Variants in SSUH2 observed in about 807,000 individuals in gnomAD.
SSUH2 encodes the protein protein SSUH2 homolog.
A neutral mutation model predicts 55.3 loss-of-function variants in SSUH2; 47 were observed. The ratio of observed to expected loss-of-function variants is 0.85; its 90% CI spans 0.67 to 1.08. SSUH2 has a LOEUF of 1.08. SSUH2 is among the 50% of genes least tolerant of loss of function. SSUH2 has a pLI of 0.00. For missense variants in SSUH2, 535 were observed against 490.7 expected (o/e 1.09, Z -0.85); for synonymous variants, 212 against 191.5 (o/e 1.11, Z -0.89).
intron 2 of SSUH2, among the ~76,000 whole-genome samples, chr3:8,679,216 G>A (rs1204647947): frequency 4.7e-5 from 1 of 21,332 alleles, no homozygotes; most frequent in South Asian, 2.6e-3. Context: ...CAGGGGGGAT[G>A]GCACCCTCCG....
At chr3:8,633,438 G>A (rs1464573343) in intron 4 of SSUH2, among the ~76,000 whole-genome samples, 6 of 152,136 alleles carry the variant, frequency 3.9e-5, no homozygotes. Context: ...GGGATTACAG[G>A]CATGAGCCGC....
intron 5 of SSUH2, among the ~76,000 whole-genome samples, chr3:8,670,280 A>G (rs990828329): frequency 3.3e-5 from 5 of 152,098 alleles, no homozygotes; most frequent in Non-Finnish European, 7.4e-5. Flanking sequence ...GACCTTACAG[A>G]TCACGTCACA....
In SSUH2 at chr3:8,623,561, G is replaced by A. The variant is rs1048623496; in HGVS notation, c.969C>T (p.Arg323=). The A allele has an allele frequency of 9.7e-6, 15 of 1,548,508 alleles. No individual in the cohort carries two copies. Among genetic ancestry groups the A allele is most frequent in the African/African-American group, 1.4e-5 (1 of 72,998 alleles). The part of the protein sequence containing the change: ...EHSAALASRA[R]VLQQRQTIEL... Reference sequence around the variant, plus strand: ...CGCCCTGGCTCACCTGCTGCAGGACGCGGGCACGGGAGGCCAAGGCAGCGC... The same window carrying A: ...CGCCCTGGCTCACCTGCTGCAGGACACGGGCACGGGAGGCCAAGGCAGCGC... Residue 323 remains arginine, a synonymous_variant, in exon 11 of 12, where the codon CGC becomes CGT. Coordinates refer to ENST00000544814, the MANE Select transcript of SSUH2 (RefSeq NM_001256748.3).
chr3:8,621,384 G>A (rs1398490166), intron 11 of SSUH2, among the ~76,000 whole-genome samples: 2 of 152,196 alleles, frequency 1.3e-5, no homozygotes, highest in Non-Finnish European at 2.9e-5. Context: ...GGGGGGCTGA[G>A]GCTGAAGCCA....
At chr3:8,635,707 CAGCGTG>C in intron 2 of SSUH2, 46 bp downstream of exon 2, 1 of 1,448,548 alleles carries the variant, frequency 6.9e-7, no homozygotes, top group Non-Finnish European at 9.2e-7. Flanking sequence ...TCCCACCAAC[CAGCGTG>C]AGCCCTAGGT....
chr3:8,621,439 G>A (rs899597701), intron 11 of SSUH2, among the ~76,000 whole-genome samples: 1 of 152,166 alleles, frequency 6.6e-6, no homozygotes, highest in Non-Finnish European at 1.5e-5. Flanking sequence ...AAACTGCCCT[G>A]GCCATCCCTG....
At chr3:8,630,243 T>C (rs1311580256) in intron 6 of SSUH2, among the ~76,000 whole-genome samples, 2 of 152,106 alleles carry the variant, frequency 1.3e-5, no homozygotes, top group African/African-American at 4.8e-5. Context: ...TAGAGCAAAA[T>C]TGCACCCTTA....
Position 8,625,677 on chromosome 3 carries a change from C to A in SSUH2, c.768-30G>T, listed in dbSNP as rs111400538. The A allele has an allele frequency of 3.5e-4, 525 of 1,491,170 alleles. 2 individuals are homozygous for A. In the African/African-American group the frequency reaches 5.9e-3, roughly 17 times the overall value. The allele number at this position is 1,491,170 out of a possible 1,614,324, so 92.4% of individuals were successfully genotyped here. ...AGGGAAGGAGGATGAGGGATGAAAG[C>A]ACACAGTGTGGCAGGTTAAAAGCAT... On this transcript the variant is annotated intron_variant, in intron 9 of 11. Coordinates refer to ENST00000544814, the MANE Select transcript of SSUH2 (RefSeq NM_001256748.3).
intron 1 of SSUH2, among the ~76,000 whole-genome samples, chr3:8,637,038 A>G (rs1700036376): frequency 6.6e-6 from 1 of 152,256 alleles, no homozygotes; most frequent in Non-Finnish European, 1.5e-5. Context: ...TGATGGTACA[A>G]AAGCCATATG....
At chr3:8,672,683 G>A (rs993667021) in intron 3 of SSUH2, among the ~76,000 whole-genome samples, 1 of 151,916 alleles carries the variant, frequency 6.6e-6, no homozygotes, top group Non-Finnish European at 1.5e-5. Flanking sequence ...CACAGCCTGC[G>A]ATATTTCGAG....
At chr3:8,647,059 G>A (rs1328367882), upstream of SSUH2, among the ~76,000 whole-genome samples, 3 of 152,216 alleles carry the variant, frequency 2.0e-5, no homozygotes, top group Non-Finnish European at 1.5e-5. Context: ...TCTCACAGGT[G>A]GGTGTCTGTC....
intron 3 of SSUH2, among the ~76,000 whole-genome samples, chr3:8,673,665 C>T (rs149582027): frequency 7.9e-5 from 12 of 152,260 alleles, no homozygotes; most frequent in East Asian, 1.9e-4. Context: ...GAGGGCTCCA[C>T]GCAGCAACTA....
intron 3 of SSUH2, chr3:8,634,781 C>G (rs959451230): frequency 2.7e-6 from 1 of 366,878 alleles, no homozygotes; most frequent in African/African-American, 2.1e-5. Context: ...GCTCCACCTT[C>G]TCTCCGCACA....
At chr3:8,639,252 G>T (rs534950505) in intron 1 of SSUH2, among the ~76,000 whole-genome samples, 1 of 152,170 alleles carries the variant, frequency 6.6e-6, no homozygotes, top group Non-Finnish European at 1.5e-5. Context: ...TCAGGCAGTC[G>T]TCCAGCTGGA....
intron 9 of SSUH2, 98 bp downstream of exon 9, chr3:8,626,131 A>G (rs1190091888): frequency 5.2e-6 from 5 of 956,958 alleles, no homozygotes; most frequent in Non-Finnish European, 8.4e-6. Flanking sequence ...TTGCACTGTG[A>G]AAGCCCCAAC....
At chr3:8,676,962 T>G (rs796811885) in intron 3 of SSUH2, among the ~76,000 whole-genome samples, 2 of 119,342 alleles carry the variant, frequency 1.7e-5, no homozygotes, top group African/African-American at 6.6e-5. Flanking sequence ...GGCATCCCCC[T>G]GTGAGGCGGG....
At chr3:8,625,509 C>G in intron 10 of SSUH2, 33 bp downstream of exon 10, 1 of 1,377,642 alleles carries the variant, frequency 7.3e-7, no homozygotes, top group Non-Finnish European at 1.0e-6. Flanking sequence ...AGGAACCCAG[C>G]TTCCTTTGTT....
At chr3:8,621,695 TGAG>T (rs1696478232) in intron 11 of SSUH2, among the ~76,000 whole-genome samples, 2 of 152,218 alleles carry the variant, frequency 1.3e-5, no homozygotes, top group Non-Finnish European at 2.9e-5. Flanking sequence ...CCCCGGTGAC[TGAG>T]TTTTCTTCAT....
intron 3 of SSUH2, among the ~76,000 whole-genome samples, chr3:8,675,024 G>A (rs149103035): frequency 7.2e-5 from 11 of 152,178 alleles, no homozygotes; most frequent in South Asian, 6.2e-4. Flanking sequence ...CTTGTCAGTC[G>A]CCATGGAACA....
Sources: gnomAD v4.1 joint callset for allele counts (sites outside exome capture counted in the v4.1 genomes callset) on GRCh38, gnomAD v4.1.1 for gene constraint, MANE v1.5 for transcripts, NCBI Gene and HGNC (gene_info 2026-07-23, HGNC 2026-07-21) for gene names.